Variants in ADARB2 observed in about 807,000 individuals in gnomAD.
The protein encoded by ADARB2 is adenosine deaminase RNA specific B2 (inactive), also known as inactive double-stranded RNA-specific editase B2.
Under a neutral mutation model 62.2 loss-of-function variants are expected in ADARB2, and 25 were observed. The observed-to-expected ratio is 0.40, with a 90% CI of 0.29 to 0.56. The LOEUF (loss-of-function observed/expected upper bound fraction) is 0.56. ADARB2 is among the 20% of genes least tolerant of loss of function. The pLI is 0.43. For synonymous variants in ADARB2, 572 were observed against 500.8 expected (o/e 1.14, Z -1.90); for missense variants, 1,071 against 1,077.4 (o/e 0.99, Z 0.08).
intron 1 of ADARB2, among the ~76,000 whole-genome samples, chr10:1,448,454 A>C (rs964044020): frequency 1.1e-4 from 16 of 152,164 alleles, no homozygotes; most frequent in African/African-American, 3.4e-4. Context: ...TTCAGCATAG[A>C]GCTGCTGCCC....
rs80220665 is a variant in ADARB2 at position 1,664,729 on chromosome 10, C to T, written c.100+72322G>A. ...GAAGTAACTTCTCAAAGATCACAGTCAGCAGACGGCAAGGGGAACGTGGGA... is the reference window on the plus strand; with the variant it reads ...GAAGTAACTTCTCAAAGATCACAGTTAGCAGACGGCAAGGGGAACGTGGGA... On this transcript the variant is annotated intron_variant, in intron 1 of 9. Coordinates refer to ENST00000381312, the MANE Select transcript of ADARB2 (RefSeq NM_018702.4). Among the ~76,000 whole-genome samples, 1,357 of 152,218 alleles carry T rather than the reference C, an allele frequency of 8.9e-3. 36 individuals are homozygous for T. Among genetic ancestry groups the T allele is most frequent in the African/African-American group, 0.031 (1,281 of 41,524 alleles).
intron 1 of ADARB2, among the ~76,000 whole-genome samples, chr10:1,606,754 A>T (rs1023453149): frequency 1.3e-5 from 2 of 152,096 alleles, no homozygotes; most frequent in African/African-American, 4.8e-5. Flanking sequence ...TGAACAGGAG[A>T]CACACTGGGC....
Position 1,588,222 on chromosome 10 carries a change from C to T in ADARB2, c.100+148829G>A, listed in dbSNP as rs191372392. ...CTCCCCAATCCCTCCAGTTGCTGCC[C>T]TGAAACACTCACCTTAAAGCTGCCC... On this transcript the variant is annotated intron_variant, in intron 1 of 9. Transcript: ENST00000381312. Among the ~76,000 whole-genome samples the T allele has an allele frequency of 1.5e-3, 232 of 152,284 alleles. 1 individual carries two copies. Among genetic ancestry groups the T allele is most frequent in the Non-Finnish European group, 2.1e-3 (146 of 68,020 alleles).
At chr10:1,690,730 C>G (rs935366325) in intron 1 of ADARB2, among the ~76,000 whole-genome samples, 1 of 152,160 alleles carries the variant, frequency 6.6e-6, no homozygotes, top group African/African-American at 2.4e-5. Context: ...GACTGCACCC[C>G]GTGGATGTCT....
At chr10:1,474,678 C>T (rs1428228526) in intron 1 of ADARB2, among the ~76,000 whole-genome samples, 4 of 152,208 alleles carry the variant, frequency 2.6e-5, no homozygotes, top group African/African-American at 7.2e-5. Context: ...AGACCCAGTT[C>T]ACCTGCACCC....
At chr10:1,475,020 C>A (rs1453558455) in intron 1 of ADARB2, among the ~76,000 whole-genome samples, 1 of 152,098 alleles carries the variant, frequency 6.6e-6, no homozygotes, top group Non-Finnish European at 1.5e-5. Flanking sequence ...TCTAATGGTG[C>A]CACGCCCACG....
At chr10:1,682,073 A>G (rs1588350930) in intron 1 of ADARB2, among the ~76,000 whole-genome samples, 1 of 152,242 alleles carries the variant, frequency 6.6e-6, no homozygotes, top group Admixed American at 6.5e-5. Flanking sequence ...ACAAAGAGAT[A>G]TTTAAAATTG....
At chr10:1,573,697 G>A (rs575100780) in intron 1 of ADARB2, among the ~76,000 whole-genome samples, 20 of 152,282 alleles carry the variant, frequency 1.3e-4, no homozygotes, top group Admixed American at 9.1e-4. Context: ...TGGGGTTCTC[G>A]TTATGAGGTT....
rs184042728 is a variant in ADARB2 at position 1,600,967 on chromosome 10, C to T, written c.100+136084G>A. Among the ~76,000 whole-genome samples, 79 of 152,280 alleles carry T rather than the reference C, an allele frequency of 5.2e-4. 1 individual carries two copies. In the East Asian group the frequency reaches 9.8e-3, roughly 19 times the overall value. ...TGGTGGGAGCGATGATGACGGCGGC[C>T]GCAGAAGCAGTGACTCTTGCAGCAG... On this transcript the variant is annotated intron_variant, in intron 1 of 9. Transcript: ENST00000381312.
At chr10:1,709,816 G>A (rs890498979) in intron 1 of ADARB2, among the ~76,000 whole-genome samples, 2 of 152,162 alleles carry the variant, frequency 1.3e-5, no homozygotes, top group African/African-American at 4.8e-5. Flanking sequence ...AACTACCTTA[G>A]CAGCTCAGCT....
At position 1,398,899 on chromosome 10, in the gene ADARB2, G is replaced by T. The variant is rs1412565552; in HGVS notation, c.101-19739C>A. 6.6e-6 allele frequency among the ~76,000 whole-genome samples: 1 copy of T among 152,160 alleles called. No homozygotes were observed. Among genetic ancestry groups the T allele is most frequent in the Non-Finnish European group, 1.5e-5 (1 of 68,032 alleles). ...CGCTCTGTCTTTGGGGTCTTGATGG[G>T]TAGAGTGGTTTGCCAGAGAACCACC... On this transcript the variant is annotated intron_variant, in intron 1 of 9. Coordinates refer to ENST00000381312, the MANE Select transcript of ADARB2 (RefSeq NM_018702.4). The surrounding 1 kb of genome is among the most constrained non-coding windows in gnomAD (Gnocchi z 4.1).
intron 6 of ADARB2, among the ~76,000 whole-genome samples, chr10:1,221,558 C>T (rs964576733): frequency 4.0e-5 from 6 of 150,654 alleles, no homozygotes; most frequent in Admixed American, 2.7e-4. Context: ...CTAATGCTAT[C>T]CCTCCCCCCT....
chr10:1,405,003 A>G (rs928963033), intron 1 of ADARB2, among the ~76,000 whole-genome samples: 2 of 152,210 alleles, frequency 1.3e-5, no homozygotes, highest in African/African-American at 2.4e-5. Flanking sequence ...CCTCCTACAT[A>G]CAATTCCCGG....
At chr10:1,275,161 C>A (rs192022464) in intron 3 of ADARB2, among the ~76,000 whole-genome samples, 10 of 152,366 alleles carry the variant, frequency 6.6e-5, no homozygotes, top group African/African-American at 2.2e-4. Flanking sequence ...AGCATTTCCA[C>A]AGATGAAGGC....
At chr10:1,243,396 A>G (rs1007114496) in intron 4 of ADARB2, among the ~76,000 whole-genome samples, 1 of 152,158 alleles carries the variant, frequency 6.6e-6, no homozygotes, top group Admixed American at 6.5e-5. Flanking sequence ...CCTCCCTCCC[A>G]TCTTAAATAA....
At chr10:1,526,114 G>A (rs189449465) in intron 1 of ADARB2, among the ~76,000 whole-genome samples, 305 of 152,324 alleles carry the variant, frequency 2.0e-3, no homozygotes, top group African/African-American at 7.2e-3. Context: ...GCTTTCTGGG[G>A]AAAGCCTTGT....
intron 4 of ADARB2, among the ~76,000 whole-genome samples, chr10:1,254,088 G>A (rs1323394639): frequency 2.0e-5 from 3 of 151,670 alleles, no homozygotes; most frequent in Non-Finnish European, 2.9e-5. Flanking sequence ...AGGATGCCGC[G>A]GTCTCTGGTT....
chr10:1,605,914 T>C (rs1647343662), intron 1 of ADARB2, among the ~76,000 whole-genome samples: 2 of 152,230 alleles, frequency 1.3e-5, no homozygotes. Flanking sequence ...TTGATTTTCA[T>C]GACAAAATGT....
At chr10:1,307,927 T>C (rs1831645655) in intron 3 of ADARB2, among the ~76,000 whole-genome samples, 1 of 105,506 alleles carries the variant, frequency 9.5e-6, no homozygotes, top group Non-Finnish European at 1.8e-5. Context: ...CTGGGGACTG[T>C]CGTGGGGTGG....
Sources: gnomAD v4.1 joint callset for allele counts (sites outside exome capture counted in the v4.1 genomes callset) on GRCh38, gnomAD v4.1.1 for gene constraint, Gnocchi (gnomAD v3.1) non-coding constraint, MANE v1.5 for transcripts, NCBI Gene and HGNC (gene_info 2026-07-23, HGNC 2026-07-21) for gene names.